The following RPS6KB1 variants were observed in gnomAD, a reference collection of about 807,000 sequenced individuals.
The protein encoded by RPS6KB1 is ribosomal protein S6 kinase beta-1.
Under a neutral mutation model 70.2 loss-of-function variants are expected in RPS6KB1, and 12 were observed. The observed-to-expected ratio is 0.17, with a 90% CI of 0.11 to 0.28. The LOEUF is 0.28. RPS6KB1 is among the 10% of genes least tolerant of loss of function. The pLI is 1.00. For missense variants in RPS6KB1, 270 were observed against 646.6 expected (o/e 0.42, Z 6.32); for synonymous variants, 175 against 211.2 (o/e 0.83, Z 1.49).
chr17:59,930,409 T>C lies in RPS6KB1; in HGVS notation c.587+235T>C, dbSNP rs536442606. ...GTTGTTCCTAACAGAACCATTCTCA[T>C]TGCGGCTTTCTTTCCTTGAATTGGT... On this transcript the variant is annotated intron_variant, in intron 6 of 14. Transcript: ENST00000225577. 1.2e-4 allele frequency: 49 copies of C among 392,760 alleles called. No homozygotes were observed. In the East Asian group the frequency reaches 2.0e-3, roughly 16 times the overall value. 24.3% of individuals were successfully genotyped at this position (392,760 alleles called of 1,614,324 possible).
At chr17:59,925,229 C>G (rs1250566729) in intron 4 of RPS6KB1, among the ~76,000 whole-genome samples, 3 of 152,092 alleles carry the variant, frequency 2.0e-5, no homozygotes, top group African/African-American at 7.2e-5. Flanking sequence ...TTCTAGTGTT[C>G]CACTTTCACA....
rs1354583977 is a variant in RPS6KB1, at chr17:59,893,537, C to A, written c.141+212C>A. On this transcript the variant is annotated intron_variant, in intron 1 of 14. Transcript: ENST00000225577. The surrounding 1 kb of genome is among the most constrained non-coding windows in gnomAD (Gnocchi z 4.1). ...CGCAGGTGCAGGTCGCACCCTTAGCCCCAGGTCAGCGCAGCCCCGAGCGAT... is the reference window on the plus strand; with the variant it reads ...CGCAGGTGCAGGTCGCACCCTTAGCACCAGGTCAGCGCAGCCCCGAGCGAT... Among the ~76,000 whole-genome samples the A allele has an allele frequency of 6.6e-6, 1 of 152,158 alleles. No homozygotes were observed. Among genetic ancestry groups the A allele is most frequent in the African/African-American group, 2.4e-5 (1 of 41,440 alleles).
intron 4 of RPS6KB1, among the ~76,000 whole-genome samples, chr17:59,923,232 C>T (rs1290708671): frequency 6.6e-6 from 1 of 151,656 alleles, no homozygotes; most frequent in African/African-American, 2.4e-5. Flanking sequence ...GATCATGGCT[C>T]ACCACACCCT....
At chr17:59,935,023 T>C in intron 9 of RPS6KB1, 170 bp from the exon 10 acceptor site, 1 of 529,014 alleles carries the variant, frequency 1.9e-6, no homozygotes, top group East Asian at 3.3e-5. Flanking sequence ...TGAGACCCTG[T>C]CTGTAAAACA....
rs2045069979 is a variant in RPS6KB1 at position 59,948,881 on chromosome 17, CTTG to C, written c.*2095_*2097del. 1 of 152,720 alleles carries C rather than the reference CTTG, an allele frequency of 6.5e-6. No individual in the cohort carries two copies. Among genetic ancestry groups the C allele is most frequent in the Admixed American group, 6.5e-5 (1 of 15,294 alleles). The allele number at this position is 152,720 out of a possible 1,614,324, so 9.5% of individuals were successfully genotyped here. A position where few individuals can be genotyped will look rare whatever the true frequency, so the allele number is the denominator to read the frequency against. On this transcript the variant is annotated 3_prime_UTR_variant, in exon 15 of 15. Coordinates refer to ENST00000225577, the MANE Select transcript of RPS6KB1 (RefSeq NM_003161.4). ...AGGCATTATTTCAGACTGTAAATGGCTTGTGATACTCTTGATACTTGTTTTCAA... is the reference window on the plus strand; with the variant it reads ...AGGCATTATTTCAGACTGTAAATGGCTGATACTCTTGATACTTGTTTTCAA...
chr17:59,945,550 G>A (rs1471576362), intron 14 of RPS6KB1, 32 bp downstream of exon 14: 2 of 1,226,696 alleles, frequency 1.6e-6, no homozygotes, highest in East Asian at 4.7e-5. Flanking sequence ...ACTTTTTTTT[G>A]TTTTTAAACA....
intron 13 of RPS6KB1, among the ~76,000 whole-genome samples, chr17:59,944,210 A>T (rs2044790509): frequency 6.6e-6 from 1 of 152,162 alleles, no homozygotes; most frequent in Non-Finnish European, 1.5e-5. Context: ...AGCTTTGCTG[A>T]GTCTTATTTA....
rs1216865197 is a variant in RPS6KB1 at position 59,893,439 on chromosome 17, G to A, written c.141+114G>A. ...GACCCAGGGGGGCTCCTGAGGAGCT[G>A]AGGGTCGCGCGGCCTGAGACAGGGG... On this transcript the variant is annotated intron_variant, in intron 1 of 14. Coordinates refer to ENST00000225577, the MANE Select transcript of RPS6KB1 (RefSeq NM_003161.4). This position sits in a 1 kb window ranked among gnomAD's most constrained non-coding sequence, Gnocchi z 4.1. 20 of 1,130,322 alleles carry A rather than the reference G, an allele frequency of 1.8e-5. No homozygotes were observed. The highest frequency in any genetic ancestry group is 2.4e-5 in the Non-Finnish European group (19 of 798,258). The allele number at this position is 1,130,322 out of a possible 1,614,324, so 70.0% of individuals were successfully genotyped here. A position where few individuals can be genotyped will look rare whatever the true frequency, so the allele number is the denominator to read the frequency against.
Position 59,893,439 on chromosome 17 carries a change from G to C in RPS6KB1, c.141+114G>C. ...GACCCAGGGGGGCTCCTGAGGAGCT[G>C]AGGGTCGCGCGGCCTGAGACAGGGG... is the stretch of plus-strand genomic sequence containing the variant. On this transcript the variant is annotated intron_variant, in intron 1 of 14. Transcript: ENST00000225577. The surrounding 1 kb of genome is among the most constrained non-coding windows in gnomAD (Gnocchi z 4.1). 2 of 1,130,444 alleles carry C rather than the reference G, an allele frequency of 1.8e-6. No individual in the cohort carries two copies. Among genetic ancestry groups the C allele is most frequent in the Non-Finnish European group, 2.5e-6 (2 of 798,254 alleles). The allele number at this position is 1,130,444 out of a possible 1,614,324, so 70.0% of individuals were successfully genotyped here. A position where few individuals can be genotyped will look rare whatever the true frequency, so the allele number is the denominator to read the frequency against.
chr17:59,917,014 G>A (rs554849230), intron 4 of RPS6KB1, among the ~76,000 whole-genome samples: 4 of 152,082 alleles, frequency 2.6e-5, no homozygotes, highest in East Asian at 1.9e-4. Context: ...ATTCCCAGTC[G>A]TTTACACATG....
Position 59,934,811 on chromosome 17 carries a change from C to T in RPS6KB1, c.870+287C>T. 2 of 411,040 alleles carry T rather than the reference C, an allele frequency of 4.9e-6. No homozygotes were observed. Among genetic ancestry groups the T allele is most frequent in the East Asian group, 4.4e-5 (1 of 22,504 alleles). The allele number at this position is 411,040 out of a possible 1,614,324, so 25.5% of individuals were successfully genotyped here. ...GAAATTGAAGCATAAAATCACATAG[C>T]TCACTTATCACACAGAAAGTTAATG... is the stretch of plus-strand genomic sequence containing the variant. On this transcript the variant is annotated intron_variant, in intron 9 of 14. Coordinates refer to ENST00000225577, the MANE Select transcript of RPS6KB1 (RefSeq NM_003161.4). This position sits in a 1 kb window ranked among gnomAD's most constrained non-coding sequence, Gnocchi z 4.8.
chr17:59,908,333 C>T lies in RPS6KB1; in HGVS notation c.142-2229C>T, dbSNP rs1434731527. Among the ~76,000 whole-genome samples the T allele has an allele frequency of 2.6e-5, 4 of 151,532 alleles. No homozygotes were observed. The East Asian group carries it at 7.8e-4, about 29-fold the overall frequency. Reference sequence around the variant, plus strand: ...TCAGCCTCCCGAGTTGTTGGGATTACAGGCACCCACCACCACGCCTGGCTA... The same window carrying T: ...TCAGCCTCCCGAGTTGTTGGGATTATAGGCACCCACCACCACGCCTGGCTA... On this transcript the variant is annotated intron_variant, in intron 1 of 14. Coordinates refer to ENST00000225577, the MANE Select transcript of RPS6KB1 (RefSeq NM_003161.4).
At chr17:59,911,375 T>C (rs1157092133) in intron 2 of RPS6KB1, among the ~76,000 whole-genome samples, 1 of 152,022 alleles carries the variant, frequency 6.6e-6, no homozygotes, top group Non-Finnish European at 1.5e-5. Flanking sequence ...TTTTTATTTT[T>C]TTGGAGATGG....
intron 4 of RPS6KB1, among the ~76,000 whole-genome samples, chr17:59,922,649 A>G (rs537392032): frequency 6.6e-5 from 9 of 137,058 alleles, no homozygotes; most frequent in African/African-American, 2.5e-4. Flanking sequence ...GGTTCAAACT[A>G]TCCTCCTGCC....
Position 59,893,897 on chromosome 17 carries a change from G to T in RPS6KB1, c.141+572G>T. On this transcript the variant is annotated intron_variant, in intron 1 of 14. Transcript: ENST00000225577. This position sits in a 1 kb window ranked among gnomAD's most constrained non-coding sequence, Gnocchi z 4.1. Reference sequence around the variant, plus strand: ...GGAGTTTTATTTCGGGAGCAAGGGGGCTCTGCTGCATCTTCCAATCTTCCA... The same window carrying T: ...GGAGTTTTATTTCGGGAGCAAGGGGTCTCTGCTGCATCTTCCAATCTTCCA... The T allele has an allele frequency of 1.0e-6, 1 of 984,872 alleles. No individual in the cohort carries two copies. Among genetic ancestry groups the T allele is most frequent in the Non-Finnish European group, 1.2e-6 (1 of 829,920 alleles). 61.0% of individuals were successfully genotyped at this position (984,872 alleles called of 1,614,324 possible).
Position 59,927,375 on chromosome 17 carries a change from C to T in RPS6KB1, c.529+793C>T, listed in dbSNP as rs553906819. Among the ~76,000 whole-genome samples, 48 of 151,782 alleles carry T rather than the reference C, an allele frequency of 3.2e-4. 1 individual carries two copies. Among genetic ancestry groups the T allele is most frequent in the African/African-American group, 9.7e-4 (40 of 41,366 alleles). On this transcript the variant is annotated intron_variant, in intron 5 of 14. Transcript: ENST00000225577. Reference sequence around the variant, plus strand: ...CTGGGATTACAGGTGTCAGCCACTGCACCCGGCCACAAGTATCTATTTCTA... The same window carrying T: ...CTGGGATTACAGGTGTCAGCCACTGTACCCGGCCACAAGTATCTATTTCTA...
Position 59,934,986 on chromosome 17 carries a change from A to C in RPS6KB1, c.871-207A>C. ...AGGATCATTTGAGCTAAGGATTATT[A>C]ATAGAATCTAGCCTTGACAACATAG... On this transcript the variant is annotated intron_variant, in intron 9 of 14. Coordinates refer to ENST00000225577, the MANE Select transcript of RPS6KB1 (RefSeq NM_003161.4). The surrounding 1 kb of genome is among the most constrained non-coding windows in gnomAD (Gnocchi z 4.8). The C allele has an allele frequency of 4.3e-6, 2 of 460,034 alleles. No individual in the cohort carries two copies. Among genetic ancestry groups the C allele is most frequent in the South Asian group, 5.4e-5 (2 of 37,358 alleles). The allele number at this position is 460,034 out of a possible 1,614,324, so 28.5% of individuals were successfully genotyped here. A position where few individuals can be genotyped will look rare whatever the true frequency, so the allele number is the denominator to read the frequency against.
chr17:59,903,170 G>A (rs2042058479), intron 1 of RPS6KB1, among the ~76,000 whole-genome samples: 1 of 152,056 alleles, frequency 6.6e-6, no homozygotes, highest in Non-Finnish European at 1.5e-5. Context: ...GCCGGGCGTG[G>A]TGGCGGGTGC....
chr17:59,893,725 A>T lies in RPS6KB1; in HGVS notation c.141+400A>T. The T allele has an allele frequency of 1.0e-6, 1 of 975,360 alleles. No homozygotes were observed. The highest frequency in any genetic ancestry group is 1.2e-6 in the Non-Finnish European group (1 of 814,904). The allele number at this position is 975,360 out of a possible 1,614,324, so 60.4% of individuals were successfully genotyped here. On this transcript the variant is annotated intron_variant, in intron 1 of 14. Coordinates refer to ENST00000225577, the MANE Select transcript of RPS6KB1 (RefSeq NM_003161.4). This position sits in a 1 kb window ranked among gnomAD's most constrained non-coding sequence, Gnocchi z 4.1. ...GTGTGGAGGGTTTCCCTTCGAGTCT[A>T]GAATTTCAAGTATTGAATCTTCAGA...
Sources: allele counts gnomAD v4.1 joint callset (sites outside exome capture counted in the v4.1 genomes callset), GRCh38; gene constraint gnomAD v4.1.1; non-coding constraint Gnocchi (gnomAD v3.1); transcripts MANE v1.5; gene names NCBI Gene and HGNC (gene_info 2026-07-23, HGNC 2026-07-21).